PCDHGA6: variants seen among roughly 807,000 people sequenced by gnomAD.
PCDHGA6 encodes protocadherin gamma-A6.
Under a neutral mutation model 60.6 loss-of-function variants are expected in PCDHGA6, and 41 were observed. That is an observed-to-expected ratio of 0.68 (90% CI 0.53 to 0.88). The LOEUF (loss-of-function observed/expected upper bound fraction) is 0.88, where lower values mean the gene tolerates loss of function less well. Ranked by LOEUF, PCDHGA6 falls within the 40% of genes least tolerant of loss-of-function variation. The probability of loss-of-function intolerance (pLI) is 0.00; values close to 1 mark genes in which losing one functional copy is unlikely to be tolerated. For missense variants in PCDHGA6, 1,312 were observed against 1,203.0 expected (o/e 1.09, Z -1.34); for synonymous variants, 594 against 524.4 (o/e 1.13, Z -1.81).
At chr5:141,507,797 C>T (rs933921827) in intron 3 of PCDHGA6, among the ~76,000 whole-genome samples, 3 of 152,240 alleles carry the variant, frequency 2.0e-5, no homozygotes, top group Non-Finnish European at 2.9e-5. Flanking sequence ...TCTAAGCCTG[C>T]GCCCTGGGGA....
Position 141,431,991 on chromosome 5 carries a change from A to G in PCDHGA6, c.2424+55484A>G. 1.2e-6 allele frequency: 2 copies of G among 1,614,218 alleles called. No individual in the cohort carries two copies. The highest frequency in any genetic ancestry group is 1.7e-6 in the Non-Finnish European group (2 of 1,180,042). On this transcript the variant is annotated intron_variant, in intron 1 of 3. Transcript: ENST00000517434. The surrounding 1 kb of genome is among the most constrained non-coding windows in gnomAD (Gnocchi z 4.8). The stretch of plus-strand genomic sequence containing the variant: ...AGTTTAGTCACAGACATAGTCTTGG[A>G]TAGGGAACAGGTTCCTAGCTACAAC...
intron 1 of PCDHGA6, chr5:141,392,255 G>A (rs912458411): frequency 4.6e-5 from 7 of 152,104 alleles, no homozygotes; most frequent in Non-Finnish European, 1.0e-4. Flanking sequence ...AGTATATATT[G>A]GAGACATTTA....
At chr5:141,422,328 T>C (rs1561800810) in intron 1 of PCDHGA6, 4 of 1,548,502 alleles carry the variant, frequency 2.6e-6, no homozygotes, top group Non-Finnish European at 2.6e-6. Flanking sequence ...GTACAGTGAT[T>C]GCTCTTCTAA....
chr5:141,385,609 A>AT (rs1360178959), intron 1 of PCDHGA6: 2 of 1,138,046 alleles, frequency 1.8e-6, no homozygotes, highest in African/African-American at 3.2e-5. Flanking sequence ...TAACTCATAT[A>AT]TTTTATACAT....
At chr5:141,479,651 C>CAAA (rs931031810) in intron 1 of PCDHGA6, 2 of 152,124 alleles carry the variant, frequency 1.3e-5, no homozygotes, top group African/African-American at 2.4e-5. Flanking sequence ...ACAACAACAA[C>CAAA]AATCCCAGAA....
intron 1 of PCDHGA6, among the ~76,000 whole-genome samples, chr5:141,452,145 C>T (rs1414317332): frequency 6.6e-6 from 1 of 152,020 alleles, no homozygotes; most frequent in Non-Finnish European, 1.5e-5. Flanking sequence ...GTGTTTTTTC[C>T]AATGAGTTAT....
rs746995876 is a variant in PCDHGA6 at position 141,375,931 on chromosome 5, T to C, written c.1848T>C (p.Leu616=). ...TGCTCAAGGCCAGCGAGCCAGGACT[T>C]TTCTCAGTGGGCCTGCACACGGGCG... ...YRLLKASEPG[L]FSVGLHTGEV... is the part of the protein sequence containing the mutation. Residue 616 remains leucine (L), a synonymous_variant, in exon 1 of 4, where the codon CTT becomes CTC. Coordinates refer to ENST00000517434, the MANE Select transcript of PCDHGA6 (RefSeq NM_018919.3). 6.2e-6 allele frequency: 10 copies of C among 1,613,646 alleles called. No individual in the cohort carries two copies. The highest frequency in any genetic ancestry group is 4.4e-5 in the South Asian group (4 of 91,066).
chr5:141,481,475 C>T (rs1423011632), intron 1 of PCDHGA6, among the ~76,000 whole-genome samples: 1 of 152,200 alleles, frequency 6.6e-6, no homozygotes, highest in Non-Finnish European at 1.5e-5. Context: ...TTGGATTATA[C>T]ACTTTAAATA....
chr5:141,484,530 A>G (rs1406516272), intron 1 of PCDHGA6, among the ~76,000 whole-genome samples: 1 of 152,200 alleles, frequency 6.6e-6, no homozygotes, highest in East Asian at 1.9e-4. Context: ...TTTTGAGTAT[A>G]TGGCAGTGGT....
Position 141,477,209 on chromosome 5 carries a change from G to A in PCDHGA6, c.2425-17598G>A. ...CGTGTACAGCCCAGTACCCGAGGAT[G>A]CCCCTCTGGGGACTGTCATCGCTTT... is the stretch of plus-strand genomic sequence containing the variant. On this transcript the variant is annotated intron_variant, in intron 1 of 3. Coordinates refer to ENST00000517434, the MANE Select transcript of PCDHGA6 (RefSeq NM_018919.3). This position sits in a 1 kb window ranked among gnomAD's most constrained non-coding sequence, Gnocchi z 4.9. The A allele has an allele frequency of 6.2e-7, 1 of 1,614,194 alleles. No homozygotes were observed.
intron 1 of PCDHGA6, chr5:141,399,294 G>T (rs781668632): frequency 6.2e-7 from 1 of 1,613,914 alleles, no homozygotes; most frequent in South Asian, 1.1e-5. Flanking sequence ...TCCCTTTTAA[G>T]ATTATCTCTT....
At chr5:141,498,530 A>G (rs1275299749) in intron 2 of PCDHGA6, among the ~76,000 whole-genome samples, 1 of 149,364 alleles carries the variant, frequency 6.7e-6, no homozygotes, top group Non-Finnish European at 1.5e-5. Flanking sequence ...ACTGCCCTCC[A>G]GCCTGGTCTG....
intron 1 of PCDHGA6, among the ~76,000 whole-genome samples, chr5:141,433,837 C>CA (rs56191208): frequency 0.14 from 15,134 of 111,544 alleles, 1,164 homozygotes; most frequent in African/African-American, 0.25. Context: ...AACTCTATCT[C>CA]AAAAAAAAAA....
At chr5:141,383,967 C>G in intron 1 of PCDHGA6, 1 of 1,613,458 alleles carries the variant, frequency 6.2e-7, no homozygotes, top group Non-Finnish European at 8.5e-7. Context: ...GTAGCTCAAT[C>G]CCTGAAGACA....
intron 1 of PCDHGA6, chr5:141,385,092 C>T (rs778613931): frequency 1.9e-6 from 3 of 1,614,210 alleles, no homozygotes; most frequent in Admixed American, 3.3e-5. Context: ...CAGAAGGTGG[C>T]TTGGCGAACG....
chr5:141,424,786 T>G (rs1219509852), intron 1 of PCDHGA6: 1 of 152,210 alleles, frequency 6.6e-6, no homozygotes, highest in Non-Finnish European at 1.5e-5. Flanking sequence ...ATTCAGTTCT[T>G]TTATTCAGAC....
chr5:141,422,061 A>G (rs1215523341), intron 1 of PCDHGA6: 3 of 1,612,074 alleles, frequency 1.9e-6, no homozygotes, highest in Non-Finnish European at 2.5e-6. Flanking sequence ...ACGGGGAAGT[A>G]ATGTATTCAT....
intron 1 of PCDHGA6, among the ~76,000 whole-genome samples, chr5:141,474,082 CA>C (rs1449032579): frequency 1.3e-5 from 2 of 151,946 alleles, no homozygotes; most frequent in Non-Finnish European, 2.9e-5. Flanking sequence ...AAACAAAAAC[CA>C]AAAAACAAAC....
intron 1 of PCDHGA6, chr5:141,389,322 G>A: frequency 6.2e-7 from 1 of 1,613,984 alleles, no homozygotes; most frequent in East Asian, 2.2e-5. Flanking sequence ...TCCGGACTTG[G>A]GGCCCAACGG....
Sources: gnomAD v4.1 joint callset for allele counts (sites outside exome capture counted in the v4.1 genomes callset) on GRCh38, gnomAD v4.1.1 for gene constraint, Gnocchi (gnomAD v3.1) non-coding constraint, MANE v1.5 for transcripts, NCBI Gene and HGNC (gene_info 2026-07-23, HGNC 2026-07-21) for gene names.